Variants in TBC1D8B observed in about 807,000 individuals in gnomAD.
TBC1D8B encodes RP11-321G1.1.
TBC1D8B carries 75 observed loss-of-function variants against 82.9 expected under a neutral mutation model. The observed-to-expected ratio is 0.90, with a 90% CI of 0.75 to 1.10. TBC1D8B has a LOEUF of 1.10. Among genes scored for constraint, TBC1D8B ranks in the 50% least tolerant of loss-of-function variants. The pLI is 0.00. For missense variants in TBC1D8B, 794 were observed against 796.9 expected, an observed-to-expected ratio of 1.00 and a Z score of 0.04; for synonymous variants, 276 against 276.8, an observed-to-expected ratio of 1.00 and a Z score of 0.03.
chrX:106,830,323 A>G (rs1261432872), intron 7 of TBC1D8B, among the ~76,000 whole-genome samples: 11 of 111,684 alleles, frequency 9.8e-5, no homozygotes, highest in Non-Finnish European at 2.1e-4. Flanking sequence ...GTGGAGAAAT[A>G]GGAACACTTT....
chrX:106,804,282 C>T (rs1270915378), intron 1 of TBC1D8B, among the ~76,000 whole-genome samples: 1 of 110,872 alleles, frequency 9.0e-6, no homozygotes, highest in East Asian at 2.9e-4. Context: ...TAAACGTATG[C>T]TGTTATTTCG....
chrX:106,838,623 G>A (rs1932231465), intron 7 of TBC1D8B, among the ~76,000 whole-genome samples: 1 of 111,623 alleles, frequency 9.0e-6, no homozygotes, highest in African/African-American at 3.3e-5. Flanking sequence ...ATCATCATCT[G>A]GTTTTTCAGG....
rs757480145 is a variant in TBC1D8B, at chrX:106,840,194, T to A, written c.1500T>A (p.Phe500Leu). 2 of 1,205,954 alleles carry A rather than the reference T, an allele frequency of 1.7e-6. No individual in the cohort carries two copies. The highest frequency in any genetic ancestry group is 2.2e-6 in the Non-Finnish European group (2 of 892,104). ...ETLRGELWML[F>L]SGAVNDMATN... ...TAAGAGGAGAACTCTGGATGCTTTT[T>A]TCAGGTATTACGTTTATTCATTGTA... Residue 500 changes from phenylalanine (F) to leucine (L), a missense_variant, in exon 9 of 21, where the codon TTT becomes TTA. Coordinates refer to ENST00000357242, the MANE Select transcript of TBC1D8B (RefSeq NM_017752.3).
In TBC1D8B at chrX:106,827,395, C is replaced by T. The variant is rs7057400; in HGVS notation, c.1203+58C>T. On this transcript the variant is annotated intron_variant, in intron 7 of 20. Transcript: ENST00000357242. Reference sequence around the variant, plus strand: ...AAAAAAAGGTGTGTGTTTAGTGTAGCCCATTCTTCAAGAGGAATTCATAGT... The same window carrying T: ...AAAAAAAGGTGTGTGTTTAGTGTAGTCCATTCTTCAAGAGGAATTCATAGT... The T allele has an allele frequency of 0.013, 14,677 of 1,155,329 alleles. 1,190 individuals are homozygous for T. The African/African-American group carries it at 0.23, about 18-fold the overall frequency.
rs760425057 is a variant in TBC1D8B, at chrX:106,823,412, A to G, written c.773A>G (p.Lys258Arg). The G allele has an allele frequency of 8.3e-7, 1 of 1,210,480 alleles. No homozygotes were observed. Among genetic ancestry groups the G allele is most frequent in the Non-Finnish European group, 1.1e-6 (1 of 894,527 alleles). ...TATGCCATTAGAAGACTTTTTGATA[A>G]GGAAACATTTGATAATGACCCAGTC... is the stretch of plus-strand genomic sequence containing the variant. ...ANYAIRRLFD[K>R]ETFDNDPVLY... Residue 258 changes from lysine to arginine, a missense_variant, in exon 5 of 21, where the codon AAG becomes AGG. Physicochemically the swap from Lys to Arg is conservative, Grantham distance 26 (BLOSUM62 2). Transcript: ENST00000357242.
intron 14 of TBC1D8B, among the ~76,000 whole-genome samples, chrX:106,859,812 T>C (rs1274691983): frequency 8.9e-6 from 1 of 111,790 alleles, no homozygotes; most frequent in Non-Finnish European, 1.9e-5. Context: ...CCATTCAGTA[T>C]GATTTTGGTT....
intron 14 of TBC1D8B, among the ~76,000 whole-genome samples, chrX:106,859,604 T>C (rs1442300335): frequency 3.6e-5 from 4 of 111,746 alleles, no homozygotes; most frequent in African/African-American, 1.3e-4. Flanking sequence ...GGCTGAGACT[T>C]TGGGGTTTTC....
At position 106,875,297 on chromosome X, in the gene TBC1D8B, C is replaced by T. The variant is rs915715281; in HGVS notation, c.*1332C>T. On this transcript the variant is annotated 3_prime_UTR_variant, in exon 21 of 21. Transcript: ENST00000357242. ...AAACCATGAAAGGGCAGACCTCCTT[C>T]AGAGTGACTCAAGAGGTCTCCCTTT... 1.8e-5 allele frequency: 2 copies of T among 111,901 alleles called. No individual in the cohort carries two copies. Among genetic ancestry groups the T allele is most frequent in the Non-Finnish European group, 3.8e-5 (2 of 53,163 alleles). The allele number at this position is 111,901 out of a possible 1,213,427, so 9.2% of individuals were successfully genotyped here.
intron 2 of TBC1D8B, among the ~76,000 whole-genome samples, chrX:106,820,371 G>A (rs1180291920): frequency 9.0e-6 from 1 of 111,274 alleles, no homozygotes; most frequent in Non-Finnish European, 1.9e-5. Flanking sequence ...GGGTTGCTCT[G>A]AGCAAAGGTT....
chrX:106,839,357 A>G lies in TBC1D8B; in HGVS notation c.1253A>G (p.Gln418Arg), dbSNP rs773876410. ...STEPSDNFEV[Q>R]SLTSQRECSK... ...GAGCCATCTGATAATTTTGAGGTGC[A>G]ATCTTTGACAAGTCAGAGGGAATGC... The change falls in exon 8 of 21, where the codon CAA becomes CGA. Residue 418 changes from glutamine (Q) to arginine (R), a missense_variant. Gln to Arg is a conservative substitution (Grantham distance 43). Coordinates refer to ENST00000357242, the MANE Select transcript of TBC1D8B (RefSeq NM_017752.3). 2.5e-6 allele frequency: 3 copies of G among 1,185,240 alleles called. No homozygotes were observed. The African/African-American group carries it at 5.3e-5, about 21-fold the overall frequency.
At chrX:106,862,719 G>A (rs1028552257) in intron 14 of TBC1D8B, among the ~76,000 whole-genome samples, 12 of 103,639 alleles carry the variant, frequency 1.2e-4, no homozygotes, top group African/African-American at 3.9e-4. Flanking sequence ...TCTCATCTGC[G>A]TGAGCTGATA....
In TBC1D8B at chrX:106,827,237, C is replaced by A; in HGVS notation, c.1103C>A (p.Ala368Asp). ...ATCATTAGCATCAAAGGAAAAACAGCTTTTCGCTTCCATGAAGTTAAAGAC... is the reference window on the plus strand; with the variant it reads ...ATCATTAGCATCAAAGGAAAAACAGATTTTCGCTTCCATGAAGTTAAAGAC... ...SVIISIKGKTAFRFHEVKDFE... is the reference protein window; with the variant it reads ...SVIISIKGKTDFRFHEVKDFE... Residue 368 changes from alanine (A) to aspartate (D), a missense_variant, in exon 7 of 21, where the codon GCT becomes GAT. Transcript: ENST00000357242. 14 of 1,211,035 alleles carry A rather than the reference C, an allele frequency of 1.2e-5. No individual in the cohort carries two copies. Among genetic ancestry groups the A allele is most frequent in the Non-Finnish European group, 1.3e-5 (12 of 895,046 alleles).
intron 13 of TBC1D8B, 84 bp downstream of exon 13, chrX:106,853,734 G>A (rs1040959956): frequency 1.2e-5 from 11 of 948,117 alleles, no homozygotes; most frequent in Admixed American, 5.5e-5. Context: ...TATATTAAGT[G>A]TAAGATAATA....
At chrX:106,852,096 T>C (rs1278267324) in intron 12 of TBC1D8B, among the ~76,000 whole-genome samples, 1 of 108,753 alleles carries the variant, frequency 9.2e-6, no homozygotes, top group Non-Finnish European at 1.9e-5. Context: ...GACTTTTTAA[T>C]GATCGCCATT....
chrX:106,849,491 A>G, intron 11 of TBC1D8B: 1 of 1,018,002 alleles, frequency 9.8e-7, no homozygotes, highest in Non-Finnish European at 1.2e-6. Context: ...AACCAATTAG[A>G]AGGCCCTGGC....
At chrX:106,859,132 G>A (rs375853161) in intron 14 of TBC1D8B, among the ~76,000 whole-genome samples, 27 of 111,932 alleles carry the variant, frequency 2.4e-4, no homozygotes, top group East Asian at 1.4e-3. Flanking sequence ...GTTTGAAGGT[G>A]AATAACGTGA....
chrX:106,813,424 A>G (rs1240041581), intron 1 of TBC1D8B, among the ~76,000 whole-genome samples: 1 of 111,573 alleles, frequency 9.0e-6, no homozygotes, highest in Non-Finnish European at 1.9e-5. Context: ...CTGATTTCAC[A>G]CTTAACAAAA....
intron 17 of TBC1D8B, among the ~76,000 whole-genome samples, 154 bp downstream of exon 17, chrX:106,867,016 T>G (rs775537179): frequency 2.6e-4 from 29 of 112,079 alleles, no homozygotes; most frequent in Middle Eastern, 9.2e-3. Flanking sequence ...GACTACTTTT[T>G]GCTGATATAG....
chrX:106,830,689 G>T (rs955503467), intron 7 of TBC1D8B, among the ~76,000 whole-genome samples: 6 of 106,163 alleles, frequency 5.7e-5, no homozygotes, highest in Admixed American at 2.0e-4. Context: ...GTAAACTATC[G>T]CAAGGACAAA....
Sources: allele counts gnomAD v4.1 joint callset (sites outside exome capture counted in the v4.1 genomes callset), GRCh38; gene constraint gnomAD v4.1.1; transcripts MANE v1.5; gene names NCBI Gene and HGNC (gene_info 2026-07-23, HGNC 2026-07-21).